The following CTNNA2 variants were observed in gnomAD, a reference collection of about 807,000 sequenced individuals.
The protein encoded by CTNNA2 is catenin alpha 2.
In CTNNA2, 42 loss-of-function variants were observed where a neutral mutation model predicts 101.0. That is an observed-to-expected ratio of 0.42 (90% CI 0.32 to 0.54). The LOEUF is 0.54. Among genes scored for constraint, CTNNA2 ranks in the 20% least tolerant of loss-of-function variants. CTNNA2 has a pLI of 0.14. For missense variants in CTNNA2, 871 were observed against 1,223.1 expected (o/e 0.71, Z 4.29); for synonymous variants, 450 against 456.4 (o/e 0.99, Z 0.18).
At chr2:80,453,172 G>A (rs1370408190) in intron 9 of CTNNA2, among the ~76,000 whole-genome samples, 3 of 152,072 alleles carry the variant, frequency 2.0e-5, no homozygotes, top group Admixed American at 2.0e-4. Flanking sequence ...TTTCAACACT[G>A]GTGAAATCAA....
intron 2 of CTNNA2, among the ~76,000 whole-genome samples, chr2:79,678,378 C>CA (rs1683330397): frequency 1.3e-5 from 2 of 151,778 alleles, no homozygotes; most frequent in South Asian, 2.1e-4. Context: ...CCTGTCTCTA[C>CA]AAAAAAATCC....
At chr2:79,227,682 T>C (rs937226832) in intron 2 of CTNNA2, among the ~76,000 whole-genome samples, 3 of 152,176 alleles carry the variant, frequency 2.0e-5, no homozygotes, top group Non-Finnish European at 4.4e-5. Flanking sequence ...AAATAATACA[T>C]ATTTTAATTA....
At position 79,855,691 on chromosome 2, in the gene CTNNA2, C is replaced by T. The variant is rs535503315; in HGVS notation, c.299-2322C>T. Among the ~76,000 whole-genome samples, 44 of 152,240 alleles carry T rather than the reference C, an allele frequency of 2.9e-4. No individual in the cohort carries two copies. The South Asian group carries it at 7.9e-3, about 27-fold the overall frequency. On this transcript the variant is annotated intron_variant, in intron 3 of 18. Transcript: ENST00000402739. ...CTTTTAACCATGCTAGGGCTCATACCGATTTCACCTGCAGGAACTGGGATC... is the reference window on the plus strand; with the variant it reads ...CTTTTAACCATGCTAGGGCTCATACTGATTTCACCTGCAGGAACTGGGATC...
At chr2:79,984,344 G>A (rs1217802605) in intron 7 of CTNNA2, among the ~76,000 whole-genome samples, 1 of 152,104 alleles carries the variant, frequency 6.6e-6, no homozygotes, top group Non-Finnish European at 1.5e-5. Context: ...AAAAGAGTTA[G>A]TTATTGATGG....
chr2:80,543,667 G>A (rs993176665), intron 9 of CTNNA2, among the ~76,000 whole-genome samples: 2 of 152,154 alleles, frequency 1.3e-5, no homozygotes, highest in African/African-American at 4.8e-5. Context: ...GATGCCCAGT[G>A]GTTGAACTTC....
chr2:79,300,785 T>G (rs1278941852), intron 2 of CTNNA2, among the ~76,000 whole-genome samples: 1 of 152,232 alleles, frequency 6.6e-6, no homozygotes, highest in Non-Finnish European at 1.5e-5. Flanking sequence ...GCCCTCCTTC[T>G]ATCTGTATTC....
At chr2:79,361,406 T>C (rs986196485) in intron 3 of CTNNA2, among the ~76,000 whole-genome samples, 2 of 152,150 alleles carry the variant, frequency 1.3e-5, no homozygotes, top group African/African-American at 4.8e-5. Context: ...GAGAGATGAA[T>C]GGGAAATATA....
intron 3 of CTNNA2, among the ~76,000 whole-genome samples, chr2:79,846,999 A>G (rs540988798): frequency 6.6e-6 from 1 of 152,356 alleles, no homozygotes; most frequent in Non-Finnish European, 1.5e-5. Context: ...AATGATTAGT[A>G]GATATTTAAT....
chr2:80,440,345 A>G (rs946318669), intron 9 of CTNNA2, among the ~76,000 whole-genome samples: 2 of 152,242 alleles, frequency 1.3e-5, no homozygotes, highest in African/African-American at 4.8e-5. Context: ...AACTAGGAGT[A>G]GTCTACCTTG....
At chr2:79,883,020 A>G (rs1488696258) in intron 6 of CTNNA2, among the ~76,000 whole-genome samples, 1 of 152,176 alleles carries the variant, frequency 6.6e-6, no homozygotes, top group Non-Finnish European at 1.5e-5. Context: ...CCAGCCACCT[A>G]GTCAGTTCTG....
intron 9 of CTNNA2, among the ~76,000 whole-genome samples, chr2:80,498,390 C>T (rs1453938212): frequency 6.6e-6 from 1 of 152,208 alleles, no homozygotes; most frequent in East Asian, 1.9e-4. Context: ...TTTTATGTGT[C>T]CTTATAATGA....
chr2:80,296,943 G>A (rs1008316365), intron 7 of CTNNA2, among the ~76,000 whole-genome samples: 1 of 152,124 alleles, frequency 6.6e-6, no homozygotes, highest in African/African-American at 2.4e-5. Flanking sequence ...AATCACTAAG[G>A]AAGAAATGCA....
At chr2:79,615,894 A>G (rs931436070) in intron 1 of CTNNA2, among the ~76,000 whole-genome samples, 11 of 152,152 alleles carry the variant, frequency 7.2e-5, no homozygotes, top group East Asian at 1.9e-4. Flanking sequence ...CTTGTAAATC[A>G]CGTAAAAATA....
chr2:79,928,529 G>C (rs1687181653), intron 7 of CTNNA2, among the ~76,000 whole-genome samples: 1 of 152,154 alleles, frequency 6.6e-6, no homozygotes, highest in Non-Finnish European at 1.5e-5. Flanking sequence ...TGACATGATA[G>C]AGAATAGGGT....
At chr2:80,533,727 T>C (rs1204414156) in intron 9 of CTNNA2, among the ~76,000 whole-genome samples, 2 of 152,196 alleles carry the variant, frequency 1.3e-5, no homozygotes, top group African/African-American at 2.4e-5. Flanking sequence ...TTTCATTTAC[T>C]TACATGAGAT....
chr2:79,897,744 A>T lies in CTNNA2; in HGVS notation c.853-11850A>T, dbSNP rs562860461. On this transcript the variant is annotated intron_variant, in intron 6 of 18. Coordinates refer to ENST00000402739, the MANE Select transcript of CTNNA2 (RefSeq NM_001282597.3). ...ACCCAAGAATGGGTAATTTACAAAGAGCAAAATTTTGTTTCCTCACAGTTA... is the reference window on the plus strand; with the variant it reads ...ACCCAAGAATGGGTAATTTACAAAGTGCAAAATTTTGTTTCCTCACAGTTA... Among the ~76,000 whole-genome samples the T allele has an allele frequency of 3.4e-4, 52 of 152,288 alleles. 1 individual carries two copies. In the South Asian group the frequency reaches 0.011, roughly 32 times the overall value.
intron 7 of CTNNA2, among the ~76,000 whole-genome samples, chr2:80,277,050 C>T (rs1459996632): frequency 6.6e-6 from 1 of 152,116 alleles, no homozygotes; most frequent in East Asian, 1.9e-4. Context: ...CTGACAACTT[C>T]CTTGGTTCAA....
At position 80,543,056 on chromosome 2, in the gene CTNNA2, C is replaced by T. The variant is rs570543356; in HGVS notation, c.1291-1926C>T. Among the ~76,000 whole-genome samples the T allele has an allele frequency of 1.8e-4, 28 of 152,248 alleles. No individual in the cohort carries two copies. The South Asian group carries it at 5.8e-3, about 32-fold the overall frequency. The stretch of plus-strand genomic sequence containing the variant: ...CTGTATTTTTGAGGGCACCATTTAT[C>T]CATTGTGTATTCCAAATTACTGTCT... On this transcript the variant is annotated intron_variant, in intron 9 of 18. Transcript: ENST00000402739.
intron 7 of CTNNA2, among the ~76,000 whole-genome samples, chr2:79,946,873 A>G (rs914184531): frequency 1.3e-5 from 2 of 152,164 alleles, no homozygotes; most frequent in African/African-American, 4.8e-5. Context: ...AGCACCAAAA[A>G]CTGTTCACAG....
Sources: gnomAD v4.1 joint callset for allele counts (sites outside exome capture counted in the v4.1 genomes callset) on GRCh38, gnomAD v4.1.1 for gene constraint, MANE v1.5 for transcripts, NCBI Gene and HGNC (gene_info 2026-07-23, HGNC 2026-07-21) for gene names.